Variants in NSUN2 observed in about 807,000 individuals in gnomAD.
NSUN2 encodes the protein NOP2/Sun RNA methyltransferase 2.
Under a neutral mutation model 92.7 loss-of-function variants are expected in NSUN2, and 63 were observed. That is an observed-to-expected ratio of 0.68 (90% CI 0.56 to 0.84). The LOEUF (loss-of-function observed/expected upper bound fraction) is 0.84, where lower values mean the gene tolerates loss of function less well. Among genes scored for constraint, NSUN2 ranks in the 40% least tolerant of loss-of-function variants. The pLI is 0.00. For synonymous variants in NSUN2, 356 were observed against 348.3 expected, an observed-to-expected ratio of 1.02 and a Z score of -0.25; for missense variants, 989 against 964.9, an observed-to-expected ratio of 1.02 and a Z score of -0.33.
Position 6,604,120 on chromosome 5 carries a change from G to C in NSUN2, c.1957+18C>G. 1 of 1,608,384 alleles carries C rather than the reference G, an allele frequency of 6.2e-7. No individual in the cohort carries two copies. Among genetic ancestry groups the C allele is most frequent in the East Asian group, 2.2e-5 (1 of 44,854 alleles). ...AAGGGAATACAAGTTATGTCTCTAT[G>C]CATTTCCAACTACTCACCCAGGTCC... On this transcript the variant is annotated intron_variant, in intron 17 of 18. Transcript: ENST00000264670.
At chr5:6,619,052 G>C (rs1419986387) in intron 7 of NSUN2, among the ~76,000 whole-genome samples, 4 of 152,108 alleles carry the variant, frequency 2.6e-5, no homozygotes, top group Admixed American at 2.0e-4. Flanking sequence ...TGCTCATAAG[G>C]TCACTGCGTT....
intron 15 of NSUN2, 67 bp downstream of exon 15, chr5:6,605,206 C>T (rs911121319): frequency 6.3e-7 from 1 of 1,590,212 alleles, no homozygotes; most frequent in Non-Finnish European, 8.6e-7. Context: ...CAAATGAAAT[C>T]TAAGCCGCTG....
intron 7 of NSUN2, among the ~76,000 whole-genome samples, chr5:6,619,115 CAG>C (rs148117319): frequency 5.6e-4 from 86 of 152,226 alleles, no homozygotes; most frequent in African/African-American, 2.0e-3. Context: ...GATCAAAAAA[CAG>C]GGGTAGGAAA....
chr5:6,619,650 G>A (rs550524969), intron 7 of NSUN2, among the ~76,000 whole-genome samples: 24 of 152,270 alleles, frequency 1.6e-4, no homozygotes, highest in Non-Finnish European at 3.1e-4. Context: ...CTTGAACTCC[G>A]AAATTTCTTT....
At position 6,611,040 on chromosome 5, in the gene NSUN2, G is replaced by A; in HGVS notation, c.1141C>T (p.Pro381Ser). Residue 381 changes from proline (P) to serine (S), a missense_variant, in exon 11 of 19, where the codon CCT (proline) becomes TCT (serine). Pro to Ser is a moderately conservative substitution (Grantham distance 74). Coordinates refer to ENST00000264670, the MANE Select transcript of NSUN2 (RefSeq NM_017755.6). ...GQWFTDWDAV[P>S]HSRHTQIRPT... ...CGGATCTGGGTGTGTCTGCTGTGAGGAACAGCGTCCCAGTCTGTAAACCAC... is the reference window on the plus strand; with the variant it reads ...CGGATCTGGGTGTGTCTGCTGTGAGAAACAGCGTCCCAGTCTGTAAACCAC... 6.2e-7 allele frequency: 1 copy of A among 1,614,124 alleles called. No homozygotes were observed. Among genetic ancestry groups the A allele is most frequent in the Non-Finnish European group, 8.5e-7 (1 of 1,180,008 alleles).
chr5:6,605,254 G>C lies in NSUN2; in HGVS notation c.1737+19C>G, dbSNP rs1250020363. On this transcript the variant is annotated intron_variant, in intron 15 of 18. Transcript: ENST00000264670. ...CGCATCCCGCATCACACAGCACTCAGCGTCTGTGCGGCTGGCACCTTCATC... is the reference window on the plus strand; with the variant it reads ...CGCATCCCGCATCACACAGCACTCACCGTCTGTGCGGCTGGCACCTTCATC... 3 of 1,613,532 alleles carry C rather than the reference G, an allele frequency of 1.9e-6. No homozygotes were observed. Among genetic ancestry groups the C allele is most frequent in the Non-Finnish European group, 2.5e-6 (3 of 1,179,754 alleles).
In NSUN2 at chr5:6,600,222, C is replaced by G. The variant is rs759251595; in HGVS notation, c.2008G>C (p.Ala670Pro). The G allele has an allele frequency of 6.2e-7, 1 of 1,612,192 alleles. No individual in the cohort carries two copies. Among genetic ancestry groups the G allele is most frequent in the African/African-American group, 1.3e-5 (1 of 74,944 alleles). The change falls in exon 19 of 19, where the codon GCT (alanine) becomes CCT (proline). Residue 670 changes from alanine to proline, a missense_variant. Physicochemically the swap from Ala to Pro is conservative, Grantham distance 27. This residue lies in a region of NSUN2 where 626 missense variants were observed against 602.3 expected (regional missense o/e 1.04). Transcript: ENST00000264670. ...CATAAGACGATGGGACACTGCAGAGCGTCTGGATTCCTACAAGTGAAAGTG... is the reference window on the plus strand; with the variant it reads ...CATAAGACGATGGGACACTGCAGAGGGTCTGGATTCCTACAAGTGAAAGTG... The part of the protein sequence containing the change: ...KYEPDSANPD[A>P]LQCPIVLCGW...
At chr5:6,627,715 C>T (rs781620805) in intron 3 of NSUN2, among the ~76,000 whole-genome samples, 4 of 152,154 alleles carry the variant, frequency 2.6e-5, no homozygotes, top group African/African-American at 4.8e-5. Context: ...GTACAGAGAA[C>T]AGCCTGGGCA....
At chr5:6,625,823 C>T (rs1737632514) in intron 3 of NSUN2, among the ~76,000 whole-genome samples, 154 bp from the exon 4 acceptor site, 1 of 152,218 alleles carries the variant, frequency 6.6e-6, no homozygotes, top group African/African-American at 2.4e-5. Flanking sequence ...CAGCAACACT[C>T]AGAGATGTCG....
chr5:6,623,058 AAAG>A (rs1261925146), intron 5 of NSUN2, among the ~76,000 whole-genome samples, 153 bp downstream of exon 5: 66 of 151,154 alleles, frequency 4.4e-4, no homozygotes, highest in Non-Finnish European at 8.4e-4. Context: ...AAAAAAAAAA[AAAG>A]AAACTAAGAT....
At chr5:6,613,837 C>T (rs1737097474) in intron 9 of NSUN2, among the ~76,000 whole-genome samples, 1 of 152,154 alleles carries the variant, frequency 6.6e-6, no homozygotes. Flanking sequence ...TGGCTCACAC[C>T]TGTAATCCCA....
rs541724371 is a variant in NSUN2 at position 6,610,043 on chromosome 5, A to C, written c.1227-121T>G. 1.2e-5 allele frequency: 8 copies of C among 644,396 alleles called. No individual in the cohort carries two copies. The African/African-American group carries it at 1.3e-4, about 11-fold the overall frequency. 39.9% of individuals were successfully genotyped at this position (644,396 alleles called of 1,614,324 possible). On this transcript the variant is annotated intron_variant, in intron 11 of 18. Coordinates refer to ENST00000264670, the MANE Select transcript of NSUN2 (RefSeq NM_017755.6). Reference sequence around the variant, plus strand: ...TCATGTCTTCGACCCTCACTCATAGAATGGCCAATATGTAAACTTAAATTT... The same window carrying C: ...TCATGTCTTCGACCCTCACTCATAGCATGGCCAATATGTAAACTTAAATTT...
intron 18 of NSUN2, among the ~76,000 whole-genome samples, chr5:6,601,547 G>A (rs1242628087): frequency 2.0e-5 from 3 of 151,972 alleles, no homozygotes; most frequent in Non-Finnish European, 4.4e-5. Context: ...CAGCCGGACA[G>A]CCTGAACCCT....
At chr5:6,610,917 T>C (rs762884185) in intron 11 of NSUN2, 38 bp downstream of exon 11, 21 of 1,610,854 alleles carry the variant, frequency 1.3e-5, no homozygotes, top group Admixed American at 1.7e-5. Flanking sequence ...GGGCTTAACC[T>C]TCCCCCCTCC....
intron 10 of NSUN2, among the ~76,000 whole-genome samples, chr5:6,611,373 C>A (rs191237379): frequency 2.7e-4 from 40 of 146,832 alleles, no homozygotes; most frequent in Admixed American, 7.0e-4. Context: ...TTTAAACAAG[C>A]CTCAGGCTGT....
At chr5:6,605,518 GGTTC>G in intron 14 of NSUN2, 110 bp from the exon 15 acceptor site, 2 of 1,140,654 alleles carry the variant, frequency 1.8e-6, no homozygotes, top group Non-Finnish European at 2.5e-6. Context: ...ACTGCAGTGT[GGTTC>G]AAGGGCACTG....
intron 10 of NSUN2, among the ~76,000 whole-genome samples, chr5:6,611,360 C>A (rs925049129): frequency 6.8e-6 from 1 of 146,564 alleles, no homozygotes; most frequent in Non-Finnish European, 1.5e-5. Flanking sequence ...TAGTTTTTTT[C>A]TTTTTAAACA....
intron 14 of NSUN2, 128 bp downstream of exon 14, chr5:6,606,692 A>G: frequency 2.1e-6 from 1 of 471,600 alleles, no homozygotes; most frequent in Non-Finnish European, 3.6e-6. Flanking sequence ...TGCAGTTAAA[A>G]AGGTTAAAAA....
chr5:6,607,199 C>T lies in NSUN2; in HGVS notation c.1508+1G>A. 1 of 1,613,882 alleles carries T rather than the reference C, an allele frequency of 6.2e-7. No individual in the cohort carries two copies. Among genetic ancestry groups the T allele is most frequent in the Non-Finnish European group, 8.5e-7 (1 of 1,179,790 alleles). On this transcript the variant is annotated splice_donor_variant, in intron 13 of 18. Coordinates refer to ENST00000264670, the MANE Select transcript of NSUN2 (RefSeq NM_017755.6). LOFTEE classifies it high-confidence loss of function. ...GATCAAGACATAACCACTTTTCTTACCCACACACGCCATCTTTCTTACTGC... is the reference window on the plus strand; with the variant it reads ...GATCAAGACATAACCACTTTTCTTATCCACACACGCCATCTTTCTTACTGC...
Sources: allele counts gnomAD v4.1 joint callset (sites outside exome capture counted in the v4.1 genomes callset), GRCh38; gene constraint gnomAD v4.1.1; regional missense constraint gnomAD v4.1.1; transcripts MANE v1.5; gene names NCBI Gene and HGNC (gene_info 2026-07-23, HGNC 2026-07-21).